The following GGACT variants were observed in gnomAD, a reference collection of about 807,000 sequenced individuals.
GGACT encodes gamma-glutamylaminecyclotransferase.
For missense variants in GGACT, 241 were observed against 233.2 expected (o/e 1.03, Z -0.22); for synonymous variants, 118 against 115.3 (o/e 1.02, Z -0.15).
chr13:100,571,541 A>G (rs1359318539), intron 2 of GGACT, among the ~76,000 whole-genome samples: 1 of 152,162 alleles, frequency 6.6e-6, no homozygotes, highest in Non-Finnish European at 1.5e-5. Flanking sequence ...TCAAGCTTCT[A>G]GCCTCAAGCA....
rs549546294 is a variant in GGACT, at chr13:100,534,925, G to T, written c.-10-2324C>A. On this transcript the variant is annotated intron_variant, in intron 2 of 2. Coordinates refer to ENST00000683975, the MANE Select transcript of GGACT (RefSeq NM_001195087.2). The surrounding 1 kb of genome is among the most constrained non-coding windows in gnomAD (Gnocchi z 4.9). Reference sequence around the variant, plus strand: ...CCGACCAGCGCCTGACCTGGAGGGTGCAGGAGTAGTAGGCAGGGCCTACTC... The same window carrying T: ...CCGACCAGCGCCTGACCTGGAGGGTTCAGGAGTAGTAGGCAGGGCCTACTC... Among the ~76,000 whole-genome samples the T allele has an allele frequency of 6.6e-5, 10 of 152,366 alleles. No homozygotes were observed. The highest frequency in any genetic ancestry group is 2.4e-4 in the African/African-American group (10 of 41,590).
chr13:100,570,764 G>A (rs1875057290), intron 2 of GGACT, among the ~76,000 whole-genome samples: 1 of 152,042 alleles, frequency 6.6e-6, no homozygotes, highest in Non-Finnish European at 1.5e-5. Flanking sequence ...CCCAGTCTCA[G>A]GTATGTCTTT....
intron 2 of GGACT, among the ~76,000 whole-genome samples, chr13:100,543,932 G>A (rs1161221184): frequency 6.6e-6 from 1 of 152,190 alleles, no homozygotes; most frequent in African/African-American, 2.4e-5. Context: ...CCAGACTCAC[G>A]AAGGGCATGG....
At chr13:100,548,129 C>T (rs1327522103) in intron 2 of GGACT, among the ~76,000 whole-genome samples, 1 of 152,196 alleles carries the variant, frequency 6.6e-6, no homozygotes, top group Non-Finnish European at 1.5e-5. Context: ...CTTGTGTGCT[C>T]CCAAAGGTCT....
chr13:100,574,637 C>G (rs537904193), intron 2 of GGACT, among the ~76,000 whole-genome samples: 1 of 152,128 alleles, frequency 6.6e-6, no homozygotes, highest in Non-Finnish European at 1.5e-5. Context: ...ACACTGAGCA[C>G]ACATGGACAT....
chr13:100,532,974 G>A (rs937173613), intron 2 of GGACT, among the ~76,000 whole-genome samples: 1 of 152,170 alleles, frequency 6.6e-6, no homozygotes, highest in Admixed American at 6.5e-5. Context: ...GGACACCTGC[G>A]TTCTGGGCAG....
chr13:100,578,510 G>A (rs563665737), intron 2 of GGACT, among the ~76,000 whole-genome samples: 10 of 152,238 alleles, frequency 6.6e-5, no homozygotes, highest in East Asian at 3.9e-4. Context: ...CTTAAGCCCC[G>A]GAACCCTGGT....
At chr13:100,577,140 G>A (rs1380214690) in intron 2 of GGACT, among the ~76,000 whole-genome samples, 4 of 152,108 alleles carry the variant, frequency 2.6e-5, no homozygotes, top group Non-Finnish European at 4.4e-5. Context: ...AAAATAGGCC[G>A]GGCAGTGGCT....
intron 2 of GGACT, among the ~76,000 whole-genome samples, chr13:100,553,161 G>A (rs1263215771): frequency 6.6e-6 from 1 of 152,216 alleles, no homozygotes; most frequent in Non-Finnish European, 1.5e-5. Flanking sequence ...CACTACGCCT[G>A]GGAGGTGCAT....
At chr13:100,569,412 T>G (rs1325795386) in intron 2 of GGACT, among the ~76,000 whole-genome samples, 1 of 152,350 alleles carries the variant, frequency 6.6e-6, no homozygotes, top group Non-Finnish European at 1.5e-5. Flanking sequence ...GCTTGGGGCT[T>G]GTACTCTCTG....
Position 100,532,620 on chromosome 13 carries a change from TC to T in GGACT, c.-10-20del. The T allele has an allele frequency of 1.3e-6, 2 of 1,508,938 alleles. No individual in the cohort carries two copies. Among genetic ancestry groups the T allele is most frequent in the Non-Finnish European group, 1.8e-6 (2 of 1,121,156 alleles). The allele number at this position is 1,508,938 out of a possible 1,614,324, so 93.5% of individuals were successfully genotyped here. The stretch of plus-strand genomic sequence containing the variant: ...GGCAGAGCTGCAGGGAGAGGGGAAG[TC>T]ACAGGTCAGCCCGCAGTGGGAGCTC... On this transcript the variant is annotated intron_variant, in intron 2 of 2. Coordinates refer to ENST00000683975, the MANE Select transcript of GGACT (RefSeq NM_001195087.2).
intron 2 of GGACT, among the ~76,000 whole-genome samples, chr13:100,566,377 C>T (rs1298424149): frequency 6.6e-6 from 1 of 152,246 alleles, no homozygotes; most frequent in Non-Finnish European, 1.5e-5. Context: ...TTTGCTTTCT[C>T]GGTTGCTACT....
intron 1 of GGACT, among the ~76,000 whole-genome samples, chr13:100,584,726 A>C (rs903520817): frequency 6.6e-5 from 10 of 152,198 alleles, no homozygotes; most frequent in African/African-American, 2.4e-4. Flanking sequence ...CCTTGTAATG[A>C]GGGTTTATTA....
rs2088597682 is a variant in GGACT at position 100,545,616 on chromosome 13, C to A, written c.-10-13015G>T. ...CCTGGCATGTGCCATGGAACTGGCACTCAGAAGCTGCCACTATCCTGAAAT... is the reference window on the plus strand; with the variant it reads ...CCTGGCATGTGCCATGGAACTGGCAATCAGAAGCTGCCACTATCCTGAAAT... On this transcript the variant is annotated intron_variant, in intron 2 of 2. Transcript: ENST00000683975. This position sits in a 1 kb window ranked among gnomAD's most constrained non-coding sequence, Gnocchi z 4.4. Among the ~76,000 whole-genome samples, 1 of 152,268 alleles carries A rather than the reference C, an allele frequency of 6.6e-6. No homozygotes were observed. The highest frequency in any genetic ancestry group is 1.5e-5 in the Non-Finnish European group (1 of 68,050).
chr13:100,574,479 G>A (rs1380885357), intron 2 of GGACT, among the ~76,000 whole-genome samples: 2 of 152,178 alleles, frequency 1.3e-5, no homozygotes, highest in Non-Finnish European at 2.9e-5. Flanking sequence ...AAGAGGCTGA[G>A]GCAGAAGAAT....
At chr13:100,546,594 T>G (rs929086025) in intron 2 of GGACT, among the ~76,000 whole-genome samples, 1 of 152,092 alleles carries the variant, frequency 6.6e-6, no homozygotes, top group Middle Eastern at 3.2e-3. Context: ...GGGGATCGCT[T>G]GAGCCCAGGA....
At chr13:100,544,797 C>A (rs2088589644) in intron 2 of GGACT, among the ~76,000 whole-genome samples, 1 of 152,228 alleles carries the variant, frequency 6.6e-6, no homozygotes, top group Non-Finnish European at 1.5e-5. Flanking sequence ...TGTTCAGTGA[C>A]CAACAACGCA....
intron 2 of GGACT, among the ~76,000 whole-genome samples, chr13:100,560,898 A>G (rs1227697536): frequency 3.9e-5 from 6 of 152,226 alleles, no homozygotes; most frequent in African/African-American, 1.4e-4. Context: ...TATGGGTCAG[A>G]ATCTTTGCAA....
intron 2 of GGACT, among the ~76,000 whole-genome samples, chr13:100,565,412 T>C (rs950684165): frequency 1.1e-4 from 17 of 152,196 alleles, no homozygotes; most frequent in African/African-American, 4.1e-4. Flanking sequence ...AAGTAGTGCT[T>C]ACGAGACGTA....
Sources: gnomAD v4.1 joint callset for allele counts (sites outside exome capture counted in the v4.1 genomes callset) on GRCh38, gnomAD v4.1.1 for gene constraint, Gnocchi (gnomAD v3.1) non-coding constraint, MANE v1.5 for transcripts, NCBI Gene and HGNC (gene_info 2026-07-23, HGNC 2026-07-21) for gene names.